The following EML4 variants were observed in gnomAD, a reference collection of about 807,000 sequenced individuals.
The protein encoded by EML4 is echinoderm microtubule-associated protein-like 4.
Under a neutral mutation model 129.0 loss-of-function variants are expected in EML4, and 72 were observed. The observed-to-expected ratio is 0.56, with a 90% CI of 0.46 to 0.68. The LOEUF is 0.68. Among genes scored for constraint, EML4 ranks in the 30% least tolerant of loss-of-function variants. The pLI is 0.00. For synonymous variants in EML4, 532 were observed against 405.0 expected, an observed-to-expected ratio of 1.31 and a Z score of -3.77; for missense variants, 1,363 against 1,190.6, an observed-to-expected ratio of 1.14 and a Z score of -2.13.
At chr2:42,254,672 T>C (rs556664926) in intron 2 of EML4, among the ~76,000 whole-genome samples, 5 of 152,124 alleles carry the variant, frequency 3.3e-5, no homozygotes, top group South Asian at 2.1e-4. Flanking sequence ...TATGGTGACA[T>C]TGGAATCCTC....
At chr2:42,209,772 A>ATACAAAAT (rs1190872442) in intron 1 of EML4, among the ~76,000 whole-genome samples, 1 of 152,152 alleles carries the variant, frequency 6.6e-6, no homozygotes, top group Non-Finnish European at 1.5e-5. Flanking sequence ...TCTATTAAAA[A>ATACAAAAT]TACAAAATTA....
chr2:42,200,324 C>G (rs948341522), intron 1 of EML4, among the ~76,000 whole-genome samples: 6 of 151,626 alleles, frequency 4.0e-5, no homozygotes, highest in African/African-American at 1.5e-4. Flanking sequence ...GACTACGCCT[C>G]AAAAAAAGAG....
chr2:42,252,221 G>T (rs973837226), intron 2 of EML4, among the ~76,000 whole-genome samples: 2 of 152,200 alleles, frequency 1.3e-5, no homozygotes, highest in African/African-American at 4.8e-5. Context: ...TTTAGGAACT[G>T]TCAGGCTAAG....
At chr2:42,272,089 A>AC (rs1666404778) in intron 6 of EML4, among the ~76,000 whole-genome samples, 1 of 152,068 alleles carries the variant, frequency 6.6e-6, no homozygotes, top group African/African-American at 2.4e-5. Flanking sequence ...AAAAAAAAAA[A>AC]AAAAAAACCC....
At chr2:42,268,948 A>T (rs1236965987) in intron 6 of EML4, among the ~76,000 whole-genome samples, 2 of 152,204 alleles carry the variant, frequency 1.3e-5, no homozygotes, top group Admixed American at 1.3e-4. Flanking sequence ...CTGGAAAGAA[A>T]TCTGCTTATT....
chr2:42,266,109 G>A (rs1666049916), intron 6 of EML4, among the ~76,000 whole-genome samples: 1 of 152,114 alleles, frequency 6.6e-6, no homozygotes, highest in African/African-American at 2.4e-5. Flanking sequence ...GATTTAACTT[G>A]ATTTCTGTGG....
chr2:42,179,232 CATCCT>C (rs1400150584), intron 1 of EML4, among the ~76,000 whole-genome samples: 2 of 148,788 alleles, frequency 1.3e-5, no homozygotes, highest in Non-Finnish European at 3.0e-5. Flanking sequence ...AGATGGGGAA[CATCCT>C]ATTTTTTAAA....
intron 1 of EML4, among the ~76,000 whole-genome samples, chr2:42,211,919 A>G (rs899510031): frequency 2.0e-5 from 3 of 152,014 alleles, no homozygotes; most frequent in Non-Finnish European, 4.4e-5. Flanking sequence ...ATTTTGGCTC[A>G]CTGCAACCTC....
chr2:42,205,327 A>T (rs1672479293), intron 1 of EML4, among the ~76,000 whole-genome samples: 1 of 152,246 alleles, frequency 6.6e-6, no homozygotes, highest in Admixed American at 6.5e-5. Flanking sequence ...TGACAGATCA[A>T]CACTAATCAA....
chr2:42,198,070 T>C (rs1672001020), intron 1 of EML4, among the ~76,000 whole-genome samples: 1 of 152,122 alleles, frequency 6.6e-6, no homozygotes, highest in African/African-American at 2.4e-5. Context: ...GTTGATAGGG[T>C]TGCTTATCAG....
At chr2:42,307,148 C>CT (rs1668652587) in intron 17 of EML4, among the ~76,000 whole-genome samples, 1 of 152,202 alleles carries the variant, frequency 6.6e-6, no homozygotes. Flanking sequence ...GAAGAAAACA[C>CT]TGTGTGTTTA....
intron 6 of EML4, among the ~76,000 whole-genome samples, chr2:42,274,011 C>G (rs1486027328): frequency 6.6e-6 from 1 of 152,116 alleles, no homozygotes; most frequent in Non-Finnish European, 1.5e-5. Context: ...AGATTTTAGC[C>G]TTCCAAAAAT....
Position 42,245,560 on chromosome 2 carries a change from T to G in EML4, c.81T>G (p.Leu27=), listed in dbSNP as rs1299535312. ...ATGTTCAAGATCGCCTGTCAGCTCTTGAGTCACGAGTTCAGCAACAAGAAG... is the reference window on the plus strand; with the variant it reads ...ATGTTCAAGATCGCCTGTCAGCTCTGGAGTCACGAGTTCAGCAACAAGAAG... The part of the protein sequence containing the change: ...TSDVQDRLSA[L]ESRVQQQEDE... The change falls in exon 2 of 23, where the codon CTT becomes CTG. Residue 27 remains leucine, a synonymous_variant. Transcript: ENST00000318522. 12 of 1,613,814 alleles carry G rather than the reference T, an allele frequency of 7.4e-6. No homozygotes were observed. In the African/African-American group the frequency reaches 1.5e-4, roughly 20 times the overall value.
At chr2:42,302,819 C>T (rs1426514690) in intron 14 of EML4, among the ~76,000 whole-genome samples, 1 of 152,156 alleles carries the variant, frequency 6.6e-6, no homozygotes, top group East Asian at 1.9e-4. Flanking sequence ...CAGGTGTGAG[C>T]CACCATGCCC....
At chr2:42,214,474 AATGT>A (rs1485422702) in intron 1 of EML4, among the ~76,000 whole-genome samples, 1 of 152,094 alleles carries the variant, frequency 6.6e-6, no homozygotes, top group Non-Finnish European at 1.5e-5. Flanking sequence ...ATTGAAAATG[AATGT>A]ATTGCTAAAA....
intron 1 of EML4, among the ~76,000 whole-genome samples, chr2:42,201,108 T>C (rs866423853): frequency 2.6e-5 from 4 of 152,188 alleles, no homozygotes; most frequent in Non-Finnish European, 5.9e-5. Context: ...TTCTGAAGAT[T>C]TTGTCAACTG....
At chr2:42,257,836 CA>C (rs35916468) in intron 3 of EML4, among the ~76,000 whole-genome samples, 34,580 of 110,580 alleles carry the variant, frequency 0.31, 4,581 homozygotes, top group East Asian at 0.56. Flanking sequence ...GACTCCGTCT[CA>C]AAAAAAAAAA....
intron 1 of EML4, among the ~76,000 whole-genome samples, chr2:42,243,400 A>G (rs1014485338): frequency 1.3e-5 from 2 of 152,214 alleles, no homozygotes; most frequent in Non-Finnish European, 2.9e-5. Context: ...GAGAGACTGA[A>G]TTGTTCTTAT....
At chr2:42,267,978 T>C (rs558766419) in intron 6 of EML4, among the ~76,000 whole-genome samples, 5 of 152,252 alleles carry the variant, frequency 3.3e-5, no homozygotes, top group African/African-American at 1.2e-4. Context: ...TTTTAAAAAA[T>C]TTTCCAAGCT....
Sources: allele counts gnomAD v4.1 joint callset (sites outside exome capture counted in the v4.1 genomes callset), GRCh38; gene constraint gnomAD v4.1.1; transcripts MANE v1.5; gene names NCBI Gene and HGNC (gene_info 2026-07-23, HGNC 2026-07-21).